The following ZC3H11A variants were observed in gnomAD, a reference collection of about 807,000 sequenced individuals.
The protein encoded by ZC3H11A is zinc finger CCCH domain-containing protein 11A.
In ZC3H11A, 22 loss-of-function variants were observed where a neutral mutation model predicts 90.8. The ratio of observed to expected loss-of-function variants is 0.24; its 90% confidence interval spans 0.17 to 0.35. ZC3H11A has a LOEUF of 0.35. Among genes scored for constraint, ZC3H11A ranks in the 10% least tolerant of loss-of-function variants. ZC3H11A has a pLI of 1.00. For missense variants in ZC3H11A, 701 were observed against 964.9 expected, an observed-to-expected ratio of 0.73 and a Z score of 3.62; for synonymous variants, 294 against 339.8, an observed-to-expected ratio of 0.87 and a Z score of 1.48.
intron 2 of ZC3H11A, among the ~76,000 whole-genome samples, chr1:203,806,547 C>T (rs556273888): frequency 5.3e-5 from 8 of 152,258 alleles, no homozygotes; most frequent in African/African-American, 1.9e-4. Flanking sequence ...AAGTGATCAG[C>T]CCACCTAGGC....
intron 10 of ZC3H11A, among the ~76,000 whole-genome samples, 175 bp from the exon 11 acceptor site, chr1:203,837,791 T>C (rs1684845602): frequency 6.6e-6 from 1 of 152,200 alleles, no homozygotes. Flanking sequence ...CTTACCTCTT[T>C]TCTCCGACAT....
rs79560483 is a variant in ZC3H11A at position 203,834,575 on chromosome 1, A to G, written c.874+722A>G. ...GCATGAGATACCATGCTTGGCTGCT[A>G]TTTTATTTTTGGGGGAGTACTTTAC... On this transcript the variant is annotated intron_variant, in intron 10 of 17. Transcript: ENST00000367210. 6.2e-3 allele frequency among the ~76,000 whole-genome samples: 942 copies of G among 152,256 alleles called. 36 individuals are homozygous for G. The highest frequency in any genetic ancestry group is 0.044 in the Admixed American group (671 of 15,288).
At position 203,847,614 on chromosome 1, in the gene ZC3H11A, C is replaced by G; in HGVS notation, c.1473C>G (p.Ser491Arg). 1 of 1,613,484 alleles carries G rather than the reference C, an allele frequency of 6.2e-7. No homozygotes were observed. The highest frequency in any genetic ancestry group is 8.5e-7 in the Non-Finnish European group (1 of 1,179,992). ...TGAGGGTGCAGCAGAGCTCTGAGAG[C>G]AGCACCAGCTCCCCGTCTCAACACG... ...KALRVQQSSE[S>R]STSSPSQHEA... is the part of the protein sequence containing the mutation. Residue 491 changes from serine (S) to arginine (R), a missense_variant, in exon 13 of 18, where the codon AGC becomes AGG. Physicochemically the swap from Ser to Arg is moderately radical, Grantham distance 110 (BLOSUM62 -1). Around this residue, in one of 4 missense-constraint regions of ZC3H11A, gnomAD observed 530 missense variants for 696.2 expected, o/e 0.76. Transcript: ENST00000367210.
chr1:203,803,217 G>GT (rs1671062182), intron 2 of ZC3H11A, among the ~76,000 whole-genome samples: 1 of 151,978 alleles, frequency 6.6e-6, no homozygotes, highest in Non-Finnish European at 1.5e-5. Context: ...TGGAGACGGA[G>GT]TTTTACTCTT....
In ZC3H11A at chr1:203,830,136, T is replaced by C; in HGVS notation, c.633T>C (p.Asn211=). The change falls in exon 8 of 18, where the codon AAT becomes AAC. Residue 211 remains asparagine (N), a synonymous_variant. Transcript: ENST00000367210. ...TTGAATTTTCAGGTGAATGTTTGAA[T>C]TTTGGAATAAAAACTCTTGAGGAAA... ...AVNIKQGECL[N]FGIKTLEEIK... 1 of 1,595,572 alleles carries C rather than the reference T, an allele frequency of 6.3e-7. No individual in the cohort carries two copies. The highest frequency in any genetic ancestry group is 8.5e-7 in the Non-Finnish European group (1 of 1,174,596).
chr1:203,839,524 C>A (rs758500478), intron 11 of ZC3H11A, among the ~76,000 whole-genome samples: 26 of 151,946 alleles, frequency 1.7e-4, no homozygotes, highest in Non-Finnish European at 3.8e-4. Flanking sequence ...TTAATTTTTC[C>A]CCTTGCCCAA....
intron 14 of ZC3H11A, among the ~76,000 whole-genome samples, chr1:203,849,376 C>T (rs1048236931): frequency 6.6e-6 from 1 of 152,118 alleles, no homozygotes; most frequent in Non-Finnish European, 1.5e-5. Context: ...CAGTCTTTTT[C>T]TGGACATTCA....
At chr1:203,798,960 A>G (rs980412512) in intron 1 of ZC3H11A, 43 of 1,536,030 alleles carry the variant, frequency 2.8e-5, no homozygotes, top group Middle Eastern at 1.7e-4. Flanking sequence ...AAGCCAAAAG[A>G]TACACCTGAC....
At chr1:203,799,093 T>A in intron 1 of ZC3H11A, 1 of 1,536,042 alleles carries the variant, frequency 6.5e-7, no homozygotes, top group Non-Finnish European at 8.7e-7. Context: ...AAGTGGGCAG[T>A]GCTTTGTGTT....
At chr1:203,851,220 CAAATA>C (rs1440280642) in intron 17 of ZC3H11A, 96 bp downstream of exon 17, 8 of 1,102,496 alleles carry the variant, frequency 7.3e-6, no homozygotes, top group Non-Finnish European at 9.1e-6. Context: ...TAGCAACATT[CAAATA>C]AATCTGTTGC....
chr1:203,841,304 C>T (rs1686110863), intron 12 of ZC3H11A, among the ~76,000 whole-genome samples: 1 of 152,036 alleles, frequency 6.6e-6, no homozygotes, highest in Non-Finnish European at 1.5e-5. Flanking sequence ...ACCCTGCGGC[C>T]TTCTGCAGTG....
At chr1:203,799,015 T>G (rs1669645395) in intron 1 of ZC3H11A, 1 of 1,536,062 alleles carries the variant, frequency 6.5e-7, no homozygotes. Context: ...TATTTTATTG[T>G]GACTGTACAC....
At chr1:203,816,782 G>A (rs1406780986) in intron 2 of ZC3H11A, 144 bp from the exon 3 acceptor site, 9 of 293,414 alleles carry the variant, frequency 3.1e-5, no homozygotes, top group Middle Eastern at 9.7e-4. Context: ...TACAGTATTC[G>A]CAATCAGTGT....
At chr1:203,812,610 C>T (rs1041811621) in intron 2 of ZC3H11A, among the ~76,000 whole-genome samples, 2 of 118,826 alleles carry the variant, frequency 1.7e-5, no homozygotes, top group Non-Finnish European at 3.3e-5. Flanking sequence ...GAGACGGAGT[C>T]TCACTCTGTT....
chr1:203,803,887 G>A (rs1671298281), intron 2 of ZC3H11A, among the ~76,000 whole-genome samples: 1 of 152,164 alleles, frequency 6.6e-6, no homozygotes, highest in Non-Finnish European at 1.5e-5. Flanking sequence ...TTACAGGTGT[G>A]AGCCACCATG....
intron 2 of ZC3H11A, among the ~76,000 whole-genome samples, chr1:203,807,232 T>A (rs989930637): frequency 7.9e-5 from 12 of 152,180 alleles, no homozygotes; most frequent in Admixed American, 5.2e-4. Context: ...TTAGGATTTT[T>A]TATCTGTGTC....
At position 203,847,186 on chromosome 1, in the gene ZC3H11A, A is replaced by G. The variant is rs779730273; in HGVS notation, c.1045A>G (p.Lys349Glu). Residue 349 changes from lysine to glutamate, a missense_variant and splice_region_variant, in exon 13 of 18, where the codon AAA becomes GAA. Lys to Glu is a moderately conservative substitution (Grantham distance 56). Around this residue, in one of 4 missense-constraint regions of ZC3H11A, gnomAD observed 530 missense variants for 696.2 expected, o/e 0.76. Transcript: ENST00000367210. ...ATGTTTTTCTCCTGTGAAAACAGAT[A>G]AAGTTAATAAAGTTGGTGAGATCCA... The part of the protein sequence containing the change: ...ADPDNEDATD[K>E]VNKVGEIHVK... The G allele has an allele frequency of 6.2e-7, 1 of 1,612,318 alleles. No individual in the cohort carries two copies. Among genetic ancestry groups the G allele is most frequent in the South Asian group, 1.1e-5 (1 of 90,566 alleles).
rs1396547522 is a variant in ZC3H11A at position 203,850,630 on chromosome 1, A to G, written c.2055A>G (p.Pro685=). 3 of 1,614,140 alleles carry G rather than the reference A, an allele frequency of 1.9e-6. No homozygotes were observed. Among genetic ancestry groups the G allele is most frequent in the Non-Finnish European group, 2.5e-6 (3 of 1,180,016 alleles). ...MHAAVIAAVK[P]LSSSSVLQEP... is the part of the protein sequence containing the mutation. ...CTGCTGTCATTGCCGCTGTGAAGCC[A>G]CTCAGCTCCAGCAGTGTCCTACAGG... is the stretch of plus-strand genomic sequence containing the variant. The change falls in exon 16 of 18, where the codon CCA becomes CCG. Residue 685 remains proline, a synonymous_variant. Transcript: ENST00000367210.
At chr1:203,840,404 T>C in intron 12 of ZC3H11A, 30 bp downstream of exon 12, 1 of 1,597,906 alleles carries the variant, frequency 6.3e-7, no homozygotes, top group Non-Finnish European at 8.5e-7. Flanking sequence ...AGATTCTGAT[T>C]ATTTTTTTCT....
Sources: gnomAD v4.1 joint callset for allele counts (sites outside exome capture counted in the v4.1 genomes callset) on GRCh38, gnomAD v4.1.1 for gene constraint, gnomAD v4.1.1 regional missense constraint, MANE v1.5 for transcripts, NCBI Gene and HGNC (gene_info 2026-07-23, HGNC 2026-07-21) for gene names.